MSC: variants seen among roughly 807,000 people sequenced by gnomAD.
MSC encodes activated B-cell factor 1, homolog of mouse musculin.
In MSC, 16 loss-of-function variants were observed where a neutral mutation model predicts 14.4. The ratio of observed to expected loss-of-function variants is 1.11; its 90% CI spans 0.75 to 1.69. The LOEUF (loss-of-function observed/expected upper bound fraction) is 1.69, where lower values mean the gene tolerates loss of function less well. MSC is among the 40% of genes most tolerant of loss of function. MSC has a pLI of 0.00. For missense variants in MSC, 320 were observed against 288.1 expected (o/e 1.11, Z -0.80); for synonymous variants, 165 against 128.5 (o/e 1.28, Z -1.92).
Position 71,842,599 on chromosome 8 carries a change from C to T in MSC, c.*62G>A. ...TCCCATCTCACGAGCTCTCCCTTCT[C>T]TCCGTGGCCCCCAAACACTCGCATT... On this transcript the variant is annotated 3_prime_UTR_variant, in exon 2 of 2. Coordinates refer to ENST00000325509, the MANE Select transcript of MSC (RefSeq NM_005098.4). The T allele has an allele frequency of 6.7e-7, 1 of 1,501,498 alleles. No individual in the cohort carries two copies. The highest frequency in any genetic ancestry group is 9.3e-7 in the Non-Finnish European group (1 of 1,077,838). The allele number at this position is 1,501,498 out of a possible 1,614,324, so 93.0% of individuals were successfully genotyped here.
chr8:71,842,623 T>C lies in MSC; in HGVS notation c.*38A>G. 1 of 1,598,032 alleles carries C rather than the reference T, an allele frequency of 6.3e-7. No homozygotes were observed. The highest frequency in any genetic ancestry group is 1.1e-5 in the South Asian group (1 of 90,740). ...TCTCCGTGGCCCCCAAACACTCGCA[T>C]TTAACGAATAATCCCATCAAGTGAG... On this transcript the variant is annotated 3_prime_UTR_variant, in exon 2 of 2. Coordinates refer to ENST00000325509, the MANE Select transcript of MSC (RefSeq NM_005098.4).
In MSC at chr8:71,843,691, A is replaced by C; in HGVS notation, c.488T>G (p.Leu163Trp). The change falls in exon 1 of 2, where the codon TTG (leucine) becomes TGG (tryptophan). Residue 163 changes from leucine (L) to tryptophan (W), a missense_variant. Leu to Trp is a moderately conservative substitution (Grantham distance 61). Transcript: ENST00000325509. Reference sequence around the variant, plus strand: ...GCCGTTCTCATAGCGGTCCTCCTGCAACAGCTGCCGCAGGTGAGCGATGTA... The same window carrying C: ...GCCGTTCTCATAGCGGTCCTCCTGCCACAGCTGCCGCAGGTGAGCGATGTA... ...SSYIAHLRQL[L>W]QEDRYENGYV... 6.2e-7 allele frequency: 1 copy of C among 1,614,234 alleles called. No individual in the cohort carries two copies. Among genetic ancestry groups the C allele is most frequent in the Non-Finnish European group, 8.5e-7 (1 of 1,180,036 alleles).
At position 71,844,020 on chromosome 8, in the gene MSC, G is replaced by C; in HGVS notation, c.159C>G (p.Asp53Glu). ...DNSSAEEEDP[D>E]GEEERCALGT... ...CCAGAGCGCAGCGCTCCTCCTCGCC[G>C]TCGGGGTCCTCCTCCTCTGCCGACG... The change falls in exon 1 of 2, where the codon GAC becomes GAG. Residue 53 changes from aspartate to glutamate, a missense_variant. Physicochemically the swap from Asp to Glu is conservative, Grantham distance 45. Coordinates refer to ENST00000325509, the MANE Select transcript of MSC (RefSeq NM_005098.4). 1 of 1,579,728 alleles carries C rather than the reference G, an allele frequency of 6.3e-7. No individual in the cohort carries two copies. Among genetic ancestry groups the C allele is most frequent in the Non-Finnish European group, 8.6e-7 (1 of 1,164,732 alleles).
In MSC at chr8:71,842,592, C is replaced by G; in HGVS notation, c.*69G>C. 7.0e-7 allele frequency: 1 copy of G among 1,434,942 alleles called. No homozygotes were observed. Among genetic ancestry groups the G allele is most frequent in the South Asian group, 1.1e-5 (1 of 87,508 alleles). The allele number at this position is 1,434,942 out of a possible 1,614,324, so 88.9% of individuals were successfully genotyped here. On this transcript the variant is annotated 3_prime_UTR_variant, in exon 2 of 2. Transcript: ENST00000325509. ...AACTTCTTCCCATCTCACGAGCTCT[C>G]CCTTCTCTCCGTGGCCCCCAAACAC... is the stretch of plus-strand genomic sequence containing the variant.
In MSC at chr8:71,844,082, CGCGGAGG is replaced by C; in HGVS notation, c.90_96del (p.Leu31AlafsTer2). 6.6e-7 allele frequency: 1 copy of C among 1,517,740 alleles called. No homozygotes were observed. The highest frequency in any genetic ancestry group is 2.2e-5 in the Admixed American group (1 of 45,262). 94.0% of individuals were successfully genotyped at this position (1,517,740 alleles called of 1,614,324 possible). ...GGCGAGGCGTAGCTGCGCTCTACGC[CGCGGAGG>C]GGCGGCCTCTTGGAGGCGGGGACCG... On this transcript the variant is annotated frameshift_variant, in exon 1 of 2. Transcript: ENST00000325509. LOFTEE classifies it high-confidence loss of function.
intron 1 of MSC, chr8:71,843,031 A>ACAC (rs1807418211): frequency 1.0e-4 from 28 of 268,876 alleles, no homozygotes; most frequent in East Asian, 2.8e-4. Flanking sequence ...TCCCTTCCCC[A>ACAC]ACACACACAC....
At position 71,842,636 on chromosome 8, in the gene MSC, C is replaced by T; in HGVS notation, c.*25G>A. ...CAAACACTCGCATTTAACGAATAAT[C>T]CCATCAAGTGAGTTCCAGTCCGATT... On this transcript the variant is annotated 3_prime_UTR_variant, in exon 2 of 2. Transcript: ENST00000325509. 1 of 1,610,164 alleles carries T rather than the reference C, an allele frequency of 6.2e-7. No homozygotes were observed. Among genetic ancestry groups the T allele is most frequent in the Non-Finnish European group, 8.5e-7 (1 of 1,176,474 alleles).
intron 1 of MSC, chr8:71,843,417 G>A (rs1443477103): frequency 1.5e-6 from 1 of 661,220 alleles, no homozygotes; most frequent in East Asian, 2.8e-5. Flanking sequence ...TGTCACTGGG[G>A]TACAATGTTC....
chr8:71,844,202 G>A lies in MSC; in HGVS notation c.-24C>T. 1.9e-6 allele frequency: 3 copies of A among 1,596,518 alleles called. No homozygotes were observed. Among genetic ancestry groups the A allele is most frequent in the African/African-American group, 1.3e-5 (1 of 74,392 alleles). ...ATCCCGTTGTCCCCCTTGCCCACACGCGTCCTCTTTCCTCCCCCCTGGCCA... is the reference window on the plus strand; with the variant it reads ...ATCCCGTTGTCCCCCTTGCCCACACACGTCCTCTTTCCTCCCCCCTGGCCA... On this transcript the variant is annotated 5_prime_UTR_variant, in exon 1 of 2. Transcript: ENST00000325509.
intron 1 of MSC, chr8:71,842,995 C>A (rs2129421022): frequency 2.3e-6 from 1 of 430,314 alleles, no homozygotes; most frequent in Non-Finnish European, 4.4e-6. Flanking sequence ...TGAAACTCAT[C>A]TGACTTTGAG....
At chr8:71,843,518 T>A in intron 1 of MSC, 127 bp downstream of exon 1, 1 of 1,228,668 alleles carries the variant, frequency 8.1e-7, no homozygotes, top group Non-Finnish European at 1.2e-6. Flanking sequence ...ACTGGCCTTC[T>A]CGTTCCCAGT....
At chr8:71,843,388 T>C (rs2129421057) in intron 1 of MSC, 1 of 578,178 alleles carries the variant, frequency 1.7e-6, no homozygotes, top group Non-Finnish European at 3.1e-6. Flanking sequence ...ACCCTGGAAG[T>C]AGGATATTAG....
rs749979196 is a variant in MSC at position 71,843,732 on chromosome 8, G to C, written c.447C>G (p.Leu149=). ...PDTKLSKLDT[L]RLASSYIAHL... Reference sequence around the variant, plus strand: ...GAGCGATGTAACTGGAAGCCAGCCGGAGCGTGTCCAGCTTGGAGAGCTTAG... The same window carrying C: ...GAGCGATGTAACTGGAAGCCAGCCGCAGCGTGTCCAGCTTGGAGAGCTTAG... Residue 149 remains leucine, a synonymous_variant, in exon 1 of 2, where the codon CTC becomes CTG. Transcript: ENST00000325509. 185 of 1,614,098 alleles carry C rather than the reference G, an allele frequency of 1.1e-4. No homozygotes were observed. Among genetic ancestry groups the C allele is most frequent in the Non-Finnish European group, 1.5e-4 (179 of 1,180,054 alleles).
chr8:71,842,023 G>A lies in MSC; in HGVS notation c.*638C>T, dbSNP rs148958311. The A allele has an allele frequency of 9.1e-5, 14 of 154,296 alleles. No individual in the cohort carries two copies. The highest frequency in any genetic ancestry group is 3.4e-4 in the African/African-American group (14 of 41,584). The allele number at this position is 154,296 out of a possible 1,614,324, so 9.6% of individuals were successfully genotyped here. A position where few individuals can be genotyped will look rare whatever the true frequency, so the allele number is the denominator to read the frequency against. Reference sequence around the variant, plus strand: ...GGCCGAACGGCCCAGAGCTCTCCGGGTAAAACCCGCCTGCGGTGATCTGGG... The same window carrying A: ...GGCCGAACGGCCCAGAGCTCTCCGGATAAAACCCGCCTGCGGTGATCTGGG... On this transcript the variant is annotated 3_prime_UTR_variant, in exon 2 of 2. Transcript: ENST00000325509.
rs1430250122 is a variant in MSC, at chr8:71,842,755, T to A, written c.535-8A>T. On this transcript the variant is annotated splice_polypyrimidine_tract_variant and splice_region_variant and intron_variant, in intron 1 of 1. Coordinates refer to ENST00000325509, the MANE Select transcript of MSC (RefSeq NM_005098.4). ...GACCACGAATGGCCATGTCTGTAAA[T>A]CAAAAAGAACGTGAGATATTAGAGA... is the stretch of plus-strand genomic sequence containing the variant. The A allele has an allele frequency of 3.7e-6, 6 of 1,613,186 alleles. No homozygotes were observed. The highest frequency in any genetic ancestry group is 5.1e-6 in the Non-Finnish European group (6 of 1,179,454).
Position 71,844,178 on chromosome 8 carries a change from TC to T in MSC, c.-1del. ...GGATCACTCACCGAGCCCGTGGACA[TC>T]CCGTTGTCCCCCTTGCCCACACGCG... On this transcript the variant is annotated 5_prime_UTR_variant, in exon 1 of 2. Transcript: ENST00000325509. The T allele has an allele frequency of 6.4e-7, 1 of 1,568,176 alleles. No individual in the cohort carries two copies. The highest frequency in any genetic ancestry group is 8.7e-7 in the Non-Finnish European group (1 of 1,155,530).
At chr8:71,843,613 C>T (rs766361841) in intron 1 of MSC, 32 bp downstream of exon 1, 2 of 1,613,976 alleles carry the variant, frequency 1.2e-6, no homozygotes, top group Non-Finnish European at 8.5e-7. Flanking sequence ...CTCCTGGCTG[C>T]TCTCCCGAAT....
chr8:71,841,787 CAG>C lies in MSC; in HGVS notation c.*872_*873del, dbSNP rs368478178. ...GAGCGTGGAGTGGGGAGACCTGATG[CAG>C]AGAGTCTGGAGTCGGAGCTGGGGGT... On this transcript the variant is annotated 3_prime_UTR_variant, in exon 2 of 2. Transcript: ENST00000325509. The C allele has an allele frequency of 5.4e-3, 827 of 152,952 alleles. 6 individuals are homozygous for C. The highest frequency in any genetic ancestry group is 9.4e-3 in the Non-Finnish European group (642 of 68,516). 9.5% of individuals were successfully genotyped at this position (152,952 alleles called of 1,614,324 possible). A position where few individuals can be genotyped will look rare whatever the true frequency, so the allele number is the denominator to read the frequency against.
In MSC at chr8:71,844,151, C is replaced by G; in HGVS notation, c.28G>C (p.Glu10Gln). Residue 10 changes from glutamate (E) to glutamine (Q), a missense_variant, in exon 1 of 2, where the codon GAG becomes CAG. Transcript: ENST00000325509. The part of the protein sequence containing the change: MSTGSVSDP[E>Q]EMELRGLQRE... ...TGCAGCCCCCGAAGCTCCATCTCCT[C>G]CGGATCACTCACCGAGCCCGTGGAC... The G allele has an allele frequency of 6.5e-7, 1 of 1,545,714 alleles. No homozygotes were observed. The highest frequency in any genetic ancestry group is 8.7e-7 in the Non-Finnish European group (1 of 1,146,334).
Sources: allele counts gnomAD v4.1 joint callset, GRCh38; gene constraint gnomAD v4.1.1; transcripts MANE v1.5; gene names NCBI Gene and HGNC (gene_info 2026-07-23, HGNC 2026-07-21).